CCDC33: variants seen among roughly 807,000 people sequenced by gnomAD.
CCDC33 encodes coiled-coil domain-containing protein 33.
Under a neutral mutation model 91.9 loss-of-function variants are expected in CCDC33, and 94 were observed. The ratio of observed to expected loss-of-function variants is 1.02; its 90% CI spans 0.87 to 1.21. The LOEUF is 1.21. Ranked by LOEUF, CCDC33 falls within the 50% of genes most tolerant of loss-of-function variation. CCDC33 has a pLI of 0.00. For synonymous variants in CCDC33, 396 were observed against 374.5 expected (o/e 1.06, Z -0.66); for missense variants, 940 against 935.5 (o/e 1.00, Z -0.06).
At chr15:74,203,091 A>G (rs1468360148) in exon 1 of CCDC33, 1 of 985,470 alleles carries the variant, frequency 1.0e-6, no homozygotes, top group Non-Finnish European at 1.2e-6. Flanking sequence ...CATTACAGCA[A>G]CAACCGAGTG....
At chr15:74,267,316 G>C (rs1029863069) in intron 4 of CCDC33, among the ~76,000 whole-genome samples, 5 of 152,200 alleles carry the variant, frequency 3.3e-5, no homozygotes, top group Non-Finnish European at 7.3e-5. Context: ...CTTCTGAGCT[G>C]CCTCCACATG....
At chr15:74,282,171 G>A (rs1395349435) in intron 10 of CCDC33, among the ~76,000 whole-genome samples, 1 of 152,192 alleles carries the variant, frequency 6.6e-6, no homozygotes, top group Non-Finnish European at 1.5e-5. Flanking sequence ...AACCAAATTA[G>A]CAGCTTAAAA....
chr15:74,318,840 A>G (rs554804227), intron 11 of CCDC33, among the ~76,000 whole-genome samples: 9 of 152,288 alleles, frequency 5.9e-5, no homozygotes, highest in Non-Finnish European at 1.2e-4. Context: ...AATCTTTTGC[A>G]AGGCCCCTGG....
chr15:74,266,845 C>A, intron 4 of CCDC33, 58 bp downstream of exon 4: 1 of 1,268,088 alleles, frequency 7.9e-7, no homozygotes, highest in Non-Finnish European at 1.2e-6. Flanking sequence ...CTTGAATGTC[C>A]CCAGCTATTC....
intron 7 of CCDC33, among the ~76,000 whole-genome samples, chr15:74,274,262 G>T (rs2076395359): frequency 6.6e-6 from 1 of 152,354 alleles, no homozygotes; most frequent in Non-Finnish European, 1.5e-5. Context: ...TGAGTATGAG[G>T]TTGGGGGCGG....
At chr15:74,213,244 C>T (rs1386092009), upstream of CCDC33, 1 of 151,644 alleles carries the variant, frequency 6.6e-6, no homozygotes, top group African/African-American at 2.4e-5. Flanking sequence ...AAAAAATTCT[C>T]AGGCCTACCT....
chr15:74,213,581 G>A (rs915595532), upstream of CCDC33: 6 of 152,268 alleles, frequency 3.9e-5, no homozygotes, highest in East Asian at 1.2e-3. Flanking sequence ...GTGATTTCTA[G>A]CCAACCTTCA....
intron 1 of CCDC33, among the ~76,000 whole-genome samples, chr15:74,243,127 C>T (rs1196377823): frequency 6.6e-6 from 1 of 152,230 alleles, no homozygotes; most frequent in East Asian, 1.9e-4. Flanking sequence ...TAGGAAGCCC[C>T]CTGCATGGGC....
At chr15:74,334,654 T>A (rs867220988) in intron 17 of CCDC33, among the ~76,000 whole-genome samples, 17 of 144,922 alleles carry the variant, frequency 1.2e-4, no homozygotes, top group African/African-American at 4.9e-4. Context: ...GGGTTAGGGT[T>A]CAGTGTATAT....
At chr15:74,261,930 G>A (rs2076034825) in intron 2 of CCDC33, among the ~76,000 whole-genome samples, 1 of 152,246 alleles carries the variant, frequency 6.6e-6, no homozygotes, top group South Asian at 2.1e-4. Context: ...GTGCTTCATT[G>A]CAAGCATTTA....
intron 11 of CCDC33, among the ~76,000 whole-genome samples, chr15:74,311,314 T>C (rs982084723): frequency 6.6e-6 from 1 of 151,958 alleles, no homozygotes; most frequent in Non-Finnish European, 1.5e-5. Context: ...CAGTGTGTTC[T>C]CTCCTGGCCT....
chr15:74,241,163 T>G (rs2075335731), intron 1 of CCDC33, among the ~76,000 whole-genome samples: 2 of 151,838 alleles, frequency 1.3e-5, no homozygotes, highest in Non-Finnish European at 2.9e-5. Flanking sequence ...TCAACACCTC[T>G]GTAGATGGTG....
Position 74,295,948 on chromosome 15 carries a change from A to G in CCDC33, c.1290A>G (p.Thr430=), listed in dbSNP as rs767188117. ...EPLVPEMSHD[T]EMNNYRRAMQ... ...TGGTGCCTGAGATGTCCCATGACACAGTGAGTGTCTCTCCCCAGGTGGGAA... is the reference window on the plus strand; with the variant it reads ...TGGTGCCTGAGATGTCCCATGACACGGTGAGTGTCTCTCCCCAGGTGGGAA... Residue 430 remains threonine, a splice_region_variant and synonymous_variant, in exon 11 of 19, where the codon ACA becomes ACG. Transcript: ENST00000398814. 3.1e-6 allele frequency: 5 copies of G among 1,609,552 alleles called. No individual in the cohort carries two copies. The African/African-American group carries it at 6.7e-5, about 22-fold the overall frequency.
Position 74,279,880 on chromosome 15 carries a change from A to G in CCDC33, c.760-83A>G, listed in dbSNP as rs1596015023. 3 of 1,526,348 alleles carry G rather than the reference A, an allele frequency of 2.0e-6. No individual in the cohort carries two copies. In the African/African-American group the frequency reaches 4.1e-5, roughly 21 times the overall value. 94.6% of individuals were successfully genotyped at this position (1,526,348 alleles called of 1,614,324 possible). On this transcript the variant is annotated intron_variant, in intron 7 of 18. Coordinates refer to ENST00000398814, the MANE Select transcript of CCDC33 (RefSeq NM_025055.5). ...GGAGAAACATTTGTGACAAATCTAG[A>G]TACACAAAACCAAATATCTGTGTAT...
chr15:74,318,089 G>C (rs539072365), intron 11 of CCDC33, among the ~76,000 whole-genome samples: 96 of 151,392 alleles, frequency 6.3e-4, no homozygotes, highest in South Asian at 1.5e-3. Context: ...GCTGCTGCGG[G>C]GTGGGGAGGA....
At chr15:74,223,914 G>A (rs915409451) in intron 2 of CCDC33, among the ~76,000 whole-genome samples, 7 of 152,198 alleles carry the variant, frequency 4.6e-5, no homozygotes, top group African/African-American at 9.6e-5. Context: ...TCCCCCTTGA[G>A]TAGGGGGTGG....
At chr15:74,311,593 T>G (rs2059995004) in intron 11 of CCDC33, 1 of 151,658 alleles carries the variant, frequency 6.6e-6, no homozygotes, top group Non-Finnish European at 1.5e-5. Context: ...CCAGAAAGAG[T>G]GTGTGGGAAA....
At chr15:74,288,563 A>G (rs1230634973) in intron 10 of CCDC33, among the ~76,000 whole-genome samples, 2 of 152,068 alleles carry the variant, frequency 1.3e-5, no homozygotes, top group South Asian at 4.2e-4. Context: ...CCAGAGTCCA[A>G]CTCTGGCACA....
chr15:74,328,862 GTACACAGCC>G (rs767416396), intron 11 of CCDC33, among the ~76,000 whole-genome samples: 17 of 152,304 alleles, frequency 1.1e-4, no homozygotes, highest in Non-Finnish European at 5.9e-5. Flanking sequence ...CCACCCGTAT[GTACACAGCC>G]TCCCACAGCT....
Sources: gnomAD v4.1 joint callset for allele counts (sites outside exome capture counted in the v4.1 genomes callset) on GRCh38, gnomAD v4.1.1 for gene constraint, MANE v1.5 for transcripts, NCBI Gene and HGNC (gene_info 2026-07-23, HGNC 2026-07-21) for gene names.